Variants in TSHZ3 observed in about 807,000 individuals in gnomAD.
The protein encoded by TSHZ3 is teashirt homolog 3.
In TSHZ3, 10 loss-of-function variants were observed where a neutral mutation model predicts 64.5. The observed-to-expected ratio is 0.16, with a 90% confidence interval of 0.10 to 0.26. The LOEUF is 0.26. Among genes scored for constraint, TSHZ3 ranks in the 10% least tolerant of loss-of-function variants. The pLI is 1.00. For missense variants in TSHZ3, 1,242 were observed against 1,421.7 expected (o/e 0.87, Z 2.03); for synonymous variants, 608 against 593.1 (o/e 1.03, Z -0.36).
intron 5 of TSHZ3, among the ~76,000 whole-genome samples, chr19:31,200,793 G>C (rs144207900): frequency 1.3e-3 from 203 of 152,258 alleles, no homozygotes; most frequent in Non-Finnish European, 2.4e-3. Context: ...CCACAGTGTG[G>C]GCTGTTGGTA....
rs1974442435 is a variant in TSHZ3 at position 31,165,770 on chromosome 19, TAA to T, written n.810-9355_810-9354del. 7.2e-5 allele frequency among the ~76,000 whole-genome samples: 11 copies of T among 152,316 alleles called. No individual in the cohort carries two copies. In the South Asian group the frequency reaches 2.3e-3, roughly 32 times the overall value. On this transcript the variant is annotated intron_variant and non_coding_transcript_variant, in intron 5 of 6. Transcript: ENST00000651361. ...CAGGGTGTAACTCCCCGTGTAAATT[TAA>T]AGTGACCTAAGGGACATAATTACAT...
chr19:31,248,640 G>T (rs951032166), intron 1 of TSHZ3, among the ~76,000 whole-genome samples: 27 of 146,842 alleles, frequency 1.8e-4, no homozygotes, highest in African/African-American at 7.0e-4. Context: ...AAGTTTAAAA[G>T]ACTAGCAAGG....
chr19:31,182,785 C>T (rs1028633846), intron 5 of TSHZ3, among the ~76,000 whole-genome samples: 1 of 152,144 alleles, frequency 6.6e-6, no homozygotes, highest in Non-Finnish European at 1.5e-5. Flanking sequence ...CTCTAATTCA[C>T]AGAGGACAAG....
At position 31,278,289 on chromosome 19, in the gene TSHZ3, A is replaced by T; in HGVS notation, c.1504T>A (p.Ser502Thr). The change falls in exon 2 of 2, where the codon TCC becomes ACC. Residue 502 changes from serine (S) to threonine (T), a missense_variant. Ser to Thr is a moderately conservative substitution (Grantham distance 58). Transcript: ENST00000240587. The surrounding 1 kb of genome is among the most constrained non-coding windows in gnomAD (Gnocchi z 4.7). ...GEEEEKCDIS[S>T]KYHYLTENDL... ...TTTTCAGTCAAGTAATGGTATTTGG[A>T]AGAGATGTCACACTTCTCCTCTTCT... The T allele has an allele frequency of 6.2e-7, 1 of 1,614,144 alleles. No individual in the cohort carries two copies. Among genetic ancestry groups the T allele is most frequent in the Non-Finnish European group, 8.5e-7 (1 of 1,180,032 alleles).
At chr19:31,296,240 A>C (rs73035749) in intron 1 of TSHZ3, among the ~76,000 whole-genome samples, 48,065 of 150,300 alleles carry the variant, frequency 0.32, 7,852 homozygotes, top group East Asian at 0.46. Context: ...AATGGCATGG[A>C]GAGAGGAAGG....
At chr19:31,175,687 G>C (rs1248297760) in intron 5 of TSHZ3, among the ~76,000 whole-genome samples, 12 of 152,218 alleles carry the variant, frequency 7.9e-5, no homozygotes, top group African/African-American at 2.9e-4. Context: ...TGGGTACAAA[G>C]GGGCAGGAGT....
At chr19:31,211,504 G>A (rs1210449205) in intron 4 of TSHZ3, among the ~76,000 whole-genome samples, 1 of 152,204 alleles carries the variant, frequency 6.6e-6, no homozygotes, top group Non-Finnish European at 1.5e-5. Flanking sequence ...GGGGAAGAAG[G>A]CAGGACTGGG....
chr19:31,219,174 C>CA (rs1335363070), intron 4 of TSHZ3, among the ~76,000 whole-genome samples: 2 of 152,144 alleles, frequency 1.3e-5, no homozygotes, highest in African/African-American at 4.8e-5. Flanking sequence ...GATTGGACCC[C>CA]AAAAATTCAT....
intron 3 of TSHZ3, among the ~76,000 whole-genome samples, chr19:31,238,634 A>T (rs58699560): frequency 6.6e-6 from 1 of 152,136 alleles, no homozygotes; most frequent in Admixed American, 6.6e-5. Flanking sequence ...TCCTTTAATC[A>T]TTGTCTAATG....
chr19:31,219,270 C>T (rs895131060), intron 4 of TSHZ3, among the ~76,000 whole-genome samples: 4 of 152,116 alleles, frequency 2.6e-5, no homozygotes, highest in Non-Finnish European at 2.9e-5. Flanking sequence ...AAAATGATTC[C>T]GTGTCTTGAC....
At chr19:31,333,675 G>A (rs1489404145) in intron 1 of TSHZ3, among the ~76,000 whole-genome samples, 3 of 151,970 alleles carry the variant, frequency 2.0e-5, no homozygotes, top group Non-Finnish European at 4.4e-5. Context: ...GGGGCCCGGG[G>A]GACTTTACAG....
At chr19:31,152,131 AAAAAGAAAAAG>A (rs555457204) in intron 6 of TSHZ3, among the ~76,000 whole-genome samples, 12 of 152,294 alleles carry the variant, frequency 7.9e-5, no homozygotes, top group South Asian at 4.1e-4. Context: ...TGCTTAAAAA[AAAAAGAAAAAG>A]AAAAGAAAAA....
intron 1 of TSHZ3, among the ~76,000 whole-genome samples, chr19:31,292,981 CCATCCATTCAAAAATT>C (rs956623310): frequency 4.6e-5 from 7 of 151,252 alleles, no homozygotes; most frequent in East Asian, 2.0e-4. Context: ...ATCCATCCAT[CCATCCATTCAAAAATT>C]CATCCATTCA....
At chr19:31,313,557 G>C (rs1916519244) in intron 1 of TSHZ3, among the ~76,000 whole-genome samples, 1 of 151,708 alleles carries the variant, frequency 6.6e-6, no homozygotes, top group African/African-American at 2.4e-5. Flanking sequence ...CTGCGGAAAT[G>C]GTTCCTGTCC....
Position 31,244,196 on chromosome 19 carries a change from G to A in TSHZ3, n.64-1321C>T, listed in dbSNP as rs2145186315. On this transcript the variant is annotated intron_variant and non_coding_transcript_variant, in intron 1 of 6. Coordinates refer to the TSHZ3 transcript ENST00000651361. ...GTGTTGGAGGTGGGGCCTGGTGGGAGGTGATTGGATCTTGGGGGCGGATTT... is the reference window on the plus strand; with the variant it reads ...GTGTTGGAGGTGGGGCCTGGTGGGAAGTGATTGGATCTTGGGGGCGGATTT... 1.3e-5 allele frequency among the ~76,000 whole-genome samples: 2 copies of A among 152,272 alleles called. 1 individual carries two copies. The highest frequency in any genetic ancestry group is 3.9e-4 in the East Asian group (2 of 5,162).
intron 4 of TSHZ3, among the ~76,000 whole-genome samples, chr19:31,213,994 C>T (rs1236675970): frequency 6.6e-6 from 1 of 152,194 alleles, no homozygotes; most frequent in Non-Finnish European, 1.5e-5. Context: ...TCTTCCTGCA[C>T]TTGGAATCGT....
At chr19:31,219,487 C>T (rs1473677222) in intron 4 of TSHZ3, among the ~76,000 whole-genome samples, 1 of 152,032 alleles carries the variant, frequency 6.6e-6, no homozygotes, top group East Asian at 1.9e-4. Flanking sequence ...TTACCCTCTT[C>T]TAGAGCAGTT....
chr19:31,232,628 T>A (rs1410690074), intron 3 of TSHZ3, among the ~76,000 whole-genome samples: 1 of 152,204 alleles, frequency 6.6e-6, no homozygotes, highest in Admixed American at 6.5e-5. Context: ...AAGTACACAC[T>A]CATGCAACCA....
downstream of TSHZ3, among the ~76,000 whole-genome samples, chr19:31,272,138 C>T (rs1287006053): frequency 5.3e-5 from 8 of 152,268 alleles, no homozygotes; most frequent in East Asian, 1.9e-4. Flanking sequence ...CGGACTTGTT[C>T]GATGCAGCCT....
Sources: allele counts gnomAD v4.1 joint callset (sites outside exome capture counted in the v4.1 genomes callset), GRCh38; gene constraint gnomAD v4.1.1; non-coding constraint Gnocchi (gnomAD v3.1); transcripts MANE v1.5; gene names NCBI Gene and HGNC (gene_info 2026-07-23, HGNC 2026-07-21).